DDX60L: variants seen among roughly 807,000 people sequenced by gnomAD.
The protein encoded by DDX60L is DExD/H-box 60 like, also known as probable ATP-dependent RNA helicase DDX60-like.
DDX60L carries 191 observed loss-of-function variants against 211.6 expected under a neutral mutation model. The observed-to-expected ratio is 0.90, with a 90% CI of 0.80 to 1.02. The LOEUF (loss-of-function observed/expected upper bound fraction) is 1.02. DDX60L is among the 50% of genes least tolerant of loss of function. The pLI is 0.00. For missense variants in DDX60L, 2,007 were observed against 1,984.1 expected (o/e 1.01, Z -0.22); for synonymous variants, 706 against 694.1 (o/e 1.02, Z -0.27).
chr4:168,433,082 A>G lies in DDX60L; in HGVS notation c.1328T>C (p.Phe443Ser). The change falls in exon 11 of 38, where the codon TTT becomes TCT. Residue 443 changes from phenylalanine to serine, a missense_variant. Physicochemically the swap from Phe to Ser is radical, Grantham distance 155. Transcript: ENST00000682922. ...AATTACAGCAGATGTCATTGGAATA[A>G]AGCCCACACTAGGCATCTTTTCCAA... ...ISLEKMPSVGFIPMTSAVIDE... is the reference protein window; with the variant it reads ...ISLEKMPSVGSIPMTSAVIDE... The G allele has an allele frequency of 3.1e-6, 5 of 1,608,800 alleles. No homozygotes were observed. Among genetic ancestry groups the G allele is most frequent in the Non-Finnish European group, 3.4e-6 (4 of 1,177,102 alleles).
chr4:168,400,748 T>C, intron 26 of DDX60L, 78 bp downstream of exon 26: 3 of 1,281,900 alleles, frequency 2.3e-6, no homozygotes, highest in Admixed American at 2.6e-5. Flanking sequence ...GGCTCAGGTC[T>C]CTAAACATTT....
At chr4:168,409,199 G>A (rs998353908) in intron 22 of DDX60L, among the ~76,000 whole-genome samples, 2 of 152,154 alleles carry the variant, frequency 1.3e-5, no homozygotes, top group African/African-American at 4.8e-5. Flanking sequence ...ACAGAGTAAA[G>A]AGCTGAGAAG....
intron 7 of DDX60L, among the ~76,000 whole-genome samples, chr4:168,453,574 G>C (rs979473425): frequency 6.6e-6 from 1 of 152,162 alleles, no homozygotes; most frequent in Non-Finnish European, 1.5e-5. Context: ...GATTGACAGA[G>C]CCCCATGTAA....
intron 10 of DDX60L, among the ~76,000 whole-genome samples, chr4:168,434,840 T>C (rs1029741345): frequency 6.6e-6 from 1 of 152,202 alleles, no homozygotes; most frequent in African/African-American, 2.4e-5. Flanking sequence ...AATCAGTTCC[T>C]AAACTTAAGC....
At chr4:168,390,526 A>G (rs1341415457) in intron 29 of DDX60L, 19 of 1,433,378 alleles carry the variant, frequency 1.3e-5, no homozygotes, top group Non-Finnish European at 1.7e-5. Context: ...GAGAGTTCAC[A>G]TGATCTAAAT....
chr4:168,402,195 G>A (rs1376566562), intron 25 of DDX60L, among the ~76,000 whole-genome samples: 2 of 141,558 alleles, frequency 1.4e-5, no homozygotes, highest in South Asian at 2.3e-4. Context: ...TGGTGCACTC[G>A]CAGCTCACTG....
intron 1 of DDX60L, among the ~76,000 whole-genome samples, chr4:168,474,866 C>T (rs1388931249): frequency 6.6e-6 from 1 of 152,036 alleles, no homozygotes; most frequent in East Asian, 1.9e-4. Context: ...AGAAGACTGC[C>T]TCAGGGCTGA....
intron 8 of DDX60L, among the ~76,000 whole-genome samples, chr4:168,450,230 T>C (rs1347221810): frequency 6.6e-6 from 1 of 152,146 alleles, no homozygotes; most frequent in African/African-American, 2.4e-5. Context: ...ACCTTGCACG[T>C]GATGGATCAG....
chr4:168,463,903 A>G (rs1022258152), intron 4 of DDX60L, among the ~76,000 whole-genome samples: 1 of 152,234 alleles, frequency 6.6e-6, no homozygotes, highest in Admixed American at 6.5e-5. Context: ...TTTAAAAACC[A>G]TAGTATAATA....
intron 9 of DDX60L, among the ~76,000 whole-genome samples, chr4:168,448,028 T>TA (rs879442178): frequency 1.4e-3 from 206 of 145,898 alleles, no homozygotes; most frequent in African/African-American, 3.4e-3. Flanking sequence ...TAAAGTATAA[T>TA]AAAAAAAAAA....
In DDX60L at chr4:168,409,048, T is replaced by C. The variant is rs377217058; in HGVS notation, c.2980-2342A>G. Reference sequence around the variant, plus strand: ...ATACTATACTCATTTGGATAGACCATCTTGCTATTGTCATTGCTATCTTAG... The same window carrying C: ...ATACTATACTCATTTGGATAGACCACCTTGCTATTGTCATTGCTATCTTAG... On this transcript the variant is annotated intron_variant, in intron 22 of 37. Coordinates refer to ENST00000682922, the MANE Select transcript of DDX60L (RefSeq NM_001012967.3). 5.3e-5 allele frequency among the ~76,000 whole-genome samples: 8 copies of C among 152,362 alleles called. 1 individual carries two copies. The highest frequency in any genetic ancestry group is 1.9e-4 in the African/African-American group (8 of 41,590).
Position 168,426,883 on chromosome 4 carries a change from C to T in DDX60L, c.1930+187G>A, listed in dbSNP as rs1041545057. Among the ~76,000 whole-genome samples the T allele has an allele frequency of 6.6e-5, 10 of 152,316 alleles. 1 individual carries two copies. The Middle Eastern group carries it at 0.01, about 155-fold the overall frequency. On this transcript the variant is annotated intron_variant, in intron 14 of 37. Coordinates refer to ENST00000682922, the MANE Select transcript of DDX60L (RefSeq NM_001012967.3). ...TCTTTTCCCTGTTGGGACCCTCTGT[C>T]TAACCTCTGCAATTCCACTTTCTTG...
chr4:168,360,216 C>T (rs1738872589), intron 37 of DDX60L, among the ~76,000 whole-genome samples: 1 of 152,180 alleles, frequency 6.6e-6, no homozygotes, highest in South Asian at 2.1e-4. Context: ...GCCTCTAACA[C>T]AGTAAGACCT....
chr4:168,473,282 T>C (rs757314313), intron 1 of DDX60L, among the ~76,000 whole-genome samples: 6 of 152,236 alleles, frequency 3.9e-5, no homozygotes, highest in Non-Finnish European at 7.3e-5. Flanking sequence ...CAGCCATTGA[T>C]GGGTTTTAAA....
At chr4:168,425,500 G>A (rs1012712057) in intron 14 of DDX60L, among the ~76,000 whole-genome samples, 2 of 152,242 alleles carry the variant, frequency 1.3e-5, no homozygotes, top group African/African-American at 4.8e-5. Flanking sequence ...AGTGGCTCAA[G>A]CCTGTAATCC....
intron 13 of DDX60L, among the ~76,000 whole-genome samples, chr4:168,430,140 A>G (rs1172577739): frequency 6.6e-6 from 1 of 152,294 alleles, no homozygotes; most frequent in East Asian, 1.9e-4. Flanking sequence ...CGGAGGTTGC[A>G]GTGAGCCAAG....
chr4:168,471,873 C>A lies in DDX60L; in HGVS notation c.138G>T (p.Leu46Phe). ...ATTTTACACCCAGGCATGTGACAAGCAAGGAATCTCCATCAATCACAAAAA... is the reference window on the plus strand; with the variant it reads ...ATTTTACACCCAGGCATGTGACAAGAAAGGAATCTCCATCAATCACAAAAA... ...SNFFVIDGDS[L>F]LVTCLGVKSF... The change falls in exon 4 of 38, where the codon TTG (leucine) becomes TTT (phenylalanine). Residue 46 changes from leucine to phenylalanine, a missense_variant. Coordinates refer to ENST00000682922, the MANE Select transcript of DDX60L (RefSeq NM_001012967.3). 6.2e-7 allele frequency: 1 copy of A among 1,612,592 alleles called. No individual in the cohort carries two copies. Among genetic ancestry groups the A allele is most frequent in the East Asian group, 2.2e-5 (1 of 44,832 alleles).
At chr4:168,472,566 C>T (rs375607942) in intron 2 of DDX60L, 42 bp from the exon 3 acceptor site, 6 of 1,565,674 alleles carry the variant, frequency 3.8e-6, no homozygotes, top group East Asian at 2.3e-5. Context: ...TATTTTTACA[C>T]AGCTATATAA....
At chr4:168,422,184 A>T (rs1163657062) in intron 16 of DDX60L, among the ~76,000 whole-genome samples, 1 of 152,244 alleles carries the variant, frequency 6.6e-6, no homozygotes, top group Non-Finnish European at 1.5e-5. Context: ...AGACTGAGTA[A>T]AACATATTTT....
Sources: allele counts gnomAD v4.1 joint callset (sites outside exome capture counted in the v4.1 genomes callset), GRCh38; gene constraint gnomAD v4.1.1; transcripts MANE v1.5; gene names NCBI Gene and HGNC (gene_info 2026-07-23, HGNC 2026-07-21).